Variants in PCDH11X observed in about 807,000 individuals in gnomAD.
PCDH11X encodes the protein protocadherin-11 X-linked.
Under a neutral mutation model 53.3 loss-of-function variants are expected in PCDH11X, and 18 were observed. The ratio of observed to expected loss-of-function variants is 0.34; its 90% CI spans 0.23 to 0.50. The LOEUF (loss-of-function observed/expected upper bound fraction) is 0.50, where lower values mean the gene tolerates loss of function less well. PCDH11X is among the 20% of genes least tolerant of loss of function. PCDH11X has a pLI of 0.98. For missense variants in PCDH11X, 570 were observed against 1,032.4 expected (o/e 0.55, Z 6.14); for synonymous variants, 279 against 393.3 (o/e 0.71, Z 3.44).
At chrX:91,968,834 C>A (rs902133167) in intron 6 of PCDH11X, among the ~76,000 whole-genome samples, 1 of 111,183 alleles carries the variant, frequency 9.0e-6, no homozygotes, top group African/African-American at 3.3e-5. Flanking sequence ...TTAGTTTAGT[C>A]ATATTTTGTA....
At chrX:92,376,011 C>T (rs2070746182) in intron 8 of PCDH11X, among the ~76,000 whole-genome samples, 1 of 111,161 alleles carries the variant, frequency 9.0e-6, no homozygotes, top group African/African-American at 3.3e-5. Flanking sequence ...AAGCACTGTG[C>T]ATATGTGAAT....
At chrX:92,166,194 C>A in intron 6 of PCDH11X, among the ~76,000 whole-genome samples, 1 of 105,466 alleles carries the variant, frequency 9.5e-6, no homozygotes, top group South Asian at 4.4e-4. Context: ...AAAAATATTT[C>A]TCATTAGTAT....
In PCDH11X at chrX:92,579,932, CT is replaced by C. The variant is rs750711963; in HGVS notation, c.3368-38328del. 6.4e-5 allele frequency among the ~76,000 whole-genome samples: 7 copies of C among 110,141 alleles called. No individual in the cohort carries two copies. In the East Asian group the frequency reaches 2.0e-3, roughly 31 times the overall value. On this transcript the variant is annotated intron_variant, in intron 10 of 10. Coordinates refer to ENST00000682573, the MANE Select transcript of PCDH11X (RefSeq NM_032968.5). Reference sequence around the variant, plus strand: ...ACTTTGGATGGAGTTTTTGTGGGGTCTTTTGTTGATGTTGCTGCTTTCTGTT... The same window carrying C: ...ACTTTGGATGGAGTTTTTGTGGGGTCTTTGTTGATGTTGCTGCTTTCTGTT...
intron 5 of PCDH11X, among the ~76,000 whole-genome samples, chrX:91,855,541 A>G (rs1360452787): frequency 3.7e-5 from 4 of 108,681 alleles, no homozygotes; most frequent in African/African-American, 1.1e-4. Flanking sequence ...GAAGAATATC[A>G]TTGGAATTTT....
In PCDH11X at chrX:91,867,914, A is replaced by G. The variant is rs181626791; in HGVS notation, c.541-8867A>G. Among the ~76,000 whole-genome samples the G allele has an allele frequency of 2.7e-5, 3 of 111,758 alleles. No individual in the cohort carries two copies. In the East Asian group the frequency reaches 8.5e-4, roughly 32 times the overall value. On this transcript the variant is annotated intron_variant, in intron 5 of 10. Coordinates refer to ENST00000682573, the MANE Select transcript of PCDH11X (RefSeq NM_032968.5). ...ATTTTTTGATCTGTTTGAAATGTTC[A>G]AGGGAAAAAAGACCCAAGTTTGCTG...
At chrX:92,100,346 A>G (rs1311425290) in intron 6 of PCDH11X, among the ~76,000 whole-genome samples, 3 of 110,493 alleles carry the variant, frequency 2.7e-5, no homozygotes. Flanking sequence ...AGAGTCAGTG[A>G]AGGGAGATAA....
intron 6 of PCDH11X, among the ~76,000 whole-genome samples, chrX:92,059,336 A>G (rs1464285475): frequency 1.8e-5 from 2 of 111,354 alleles, no homozygotes; most frequent in Admixed American, 1.9e-4. Context: ...ATGAGCTAGG[A>G]AAGGCAGACT....
intron 6 of PCDH11X, among the ~76,000 whole-genome samples, chrX:92,170,520 A>G (rs1272989875): frequency 9.0e-6 from 1 of 110,585 alleles, no homozygotes; most frequent in Non-Finnish European, 1.9e-5. Flanking sequence ...AAAATTTTCA[A>G]ACATACAGGA....
At chrX:92,280,321 T>C (rs1038709116) in intron 8 of PCDH11X, among the ~76,000 whole-genome samples, 1 of 110,880 alleles carries the variant, frequency 9.0e-6, no homozygotes, top group South Asian at 3.8e-4. Flanking sequence ...GAAGCTGTGC[T>C]GGGTGAGTCA....
intron 8 of PCDH11X, among the ~76,000 whole-genome samples, chrX:92,379,315 C>T (rs1305230561): frequency 4.4e-5 from 5 of 112,950 alleles, no homozygotes; most frequent in Non-Finnish European, 9.4e-5. Flanking sequence ...AAGTTGAGGC[C>T]AAGCCTGGGC....
At chrX:92,549,368 A>T (rs1203203745) in intron 10 of PCDH11X, among the ~76,000 whole-genome samples, 2 of 104,121 alleles carry the variant, frequency 1.9e-5, no homozygotes, top group East Asian at 6.1e-4. Context: ...TCATGATTTC[A>T]GTTCAATGTG....
intron 10 of PCDH11X, among the ~76,000 whole-genome samples, chrX:92,510,539 A>C (rs1325831684): frequency 9.7e-6 from 1 of 103,244 alleles, no homozygotes; most frequent in Non-Finnish European, 2.0e-5. Context: ...TTAGTGCATT[A>C]CTGTCAATTT....
chrX:92,545,816 A>G (rs1254026179), intron 10 of PCDH11X, among the ~76,000 whole-genome samples: 1 of 109,746 alleles, frequency 9.1e-6, no homozygotes, highest in Non-Finnish European at 1.9e-5. Flanking sequence ...AATTAGTAGA[A>G]TTAGTTTAAA....
chrX:92,487,048 C>CTTTTTTTTTTTTTTTTTTTTTTTTTTT (rs758641899), intron 10 of PCDH11X, among the ~76,000 whole-genome samples: 1 of 67,836 alleles, frequency 1.5e-5, no homozygotes, highest in African/African-American at 6.3e-5. Flanking sequence ...AATATGCTTC[C>CTTTTTTTTTTTTTTTTTTTTTTTTTTT]TTTTTTTTTT....
chrX:92,501,004 G>T (rs906342729), intron 10 of PCDH11X, among the ~76,000 whole-genome samples: 2 of 110,556 alleles, frequency 1.8e-5, no homozygotes, highest in Non-Finnish European at 3.8e-5. Flanking sequence ...AGAATAGAAA[G>T]AATAATCAAA....
At chrX:92,250,132 G>A (rs1306662674) in intron 7 of PCDH11X, among the ~76,000 whole-genome samples, 2 of 111,508 alleles carry the variant, frequency 1.8e-5, no homozygotes, top group Middle Eastern at 4.6e-3. Flanking sequence ...GATGAGTTTG[G>A]CACTTTTTTG....
At chrX:92,343,864 A>G (rs2069824830) in intron 8 of PCDH11X, among the ~76,000 whole-genome samples, 1 of 111,275 alleles carries the variant, frequency 9.0e-6, no homozygotes, top group Non-Finnish European at 1.9e-5. Flanking sequence ...TGTCTATATA[A>G]CTGAGTGTTT....
At chrX:91,808,473 C>T (rs1217813514) in intron 1 of PCDH11X, among the ~76,000 whole-genome samples, 1 of 101,947 alleles carries the variant, frequency 9.8e-6, no homozygotes, top group African/African-American at 3.7e-5. Context: ...CCAGCCTGGG[C>T]GACAGAGCTA....
At chrX:92,019,016 TG>T (rs1248701531) in intron 6 of PCDH11X, among the ~76,000 whole-genome samples, 1 of 111,207 alleles carries the variant, frequency 9.0e-6, no homozygotes, top group Non-Finnish European at 1.9e-5. Context: ...CACAACCAGG[TG>T]GAACAGCTAA....
Sources: allele counts gnomAD v4.1 joint callset (sites outside exome capture counted in the v4.1 genomes callset), GRCh38; gene constraint gnomAD v4.1.1; transcripts MANE v1.5; gene names NCBI Gene and HGNC (gene_info 2026-07-23, HGNC 2026-07-21).